Variants in FHIT observed in about 807,000 individuals in gnomAD.
The protein encoded by FHIT is bis(5'-adenosyl)-triphosphatase.
A neutral mutation model predicts 17.9 loss-of-function variants in FHIT; 19 were observed. That is an observed-to-expected ratio of 1.06 (90% CI 0.74 to 1.56). The LOEUF (loss-of-function observed/expected upper bound fraction) is 1.56. Ranked by LOEUF, FHIT falls within the 40% of genes most tolerant of loss-of-function variation. FHIT has a pLI of 0.00. For synonymous variants in FHIT, 81 were observed against 69.7 expected (o/e 1.16, Z -0.81); for missense variants, 248 against 189.2 (o/e 1.31, Z -1.82).
intron 5 of FHIT, among the ~76,000 whole-genome samples, chr3:60,481,406 TG>T (rs1266815379): frequency 6.6e-6 from 1 of 151,966 alleles, no homozygotes; most frequent in Non-Finnish European, 1.5e-5. Context: ...AAGGAAAGAA[TG>T]TTAAGGGCAG....
intron 5 of FHIT, among the ~76,000 whole-genome samples, chr3:60,330,350 G>A (rs1171938587): frequency 3.3e-5 from 5 of 152,146 alleles, no homozygotes; most frequent in African/African-American, 4.8e-5. Flanking sequence ...CTACAGTCAA[G>A]CACTTGTCAT....
intron 4 of FHIT, among the ~76,000 whole-genome samples, chr3:60,585,787 A>G (rs2037886886): frequency 6.6e-6 from 1 of 151,892 alleles, no homozygotes; most frequent in Non-Finnish European, 1.5e-5. Flanking sequence ...ATGAAAATAT[A>G]TTTCCCAAAG....
intron 5 of FHIT, among the ~76,000 whole-genome samples, chr3:60,311,726 GCTATCATTTGTATGGGCTCCTTC>G (rs1292519343): frequency 6.6e-6 from 1 of 152,162 alleles, no homozygotes; most frequent in Non-Finnish European, 1.5e-5. Context: ...TGGTTTGTGA[GCTATCATTTGTATGGGCTCCTTC>G]AGGCCCTCTC....
chr3:59,983,687 T>C (rs1708756773), intron 7 of FHIT, among the ~76,000 whole-genome samples: 1 of 152,126 alleles, frequency 6.6e-6, no homozygotes, highest in Non-Finnish European at 1.5e-5. Flanking sequence ...GTTGGCTTCA[T>C]TCTCTCAGAA....
intron 4 of FHIT, among the ~76,000 whole-genome samples, chr3:60,655,026 C>A (rs1553689208): frequency 6.6e-6 from 1 of 152,028 alleles, no homozygotes; most frequent in Non-Finnish European, 1.5e-5. Flanking sequence ...TTAGAAGTGG[C>A]AAGCCCAATA....
At chr3:60,736,379 G>GA (rs140559295) in intron 4 of FHIT, among the ~76,000 whole-genome samples, 19,173 of 151,582 alleles carry the variant, frequency 0.13, 1,469 homozygotes, top group Non-Finnish European at 0.18. Flanking sequence ...CAAAATGTGG[G>GA]AAAAAAAACC....
At chr3:60,881,589 G>A (rs1553757972) in intron 3 of FHIT, among the ~76,000 whole-genome samples, 1 of 152,080 alleles carries the variant, frequency 6.6e-6, no homozygotes, top group African/African-American at 2.4e-5. Context: ...TATCTTTTCT[G>A]AACACAATGG....
At chr3:60,736,869 A>G (rs2042144106) in intron 4 of FHIT, among the ~76,000 whole-genome samples, 1 of 152,240 alleles carries the variant, frequency 6.6e-6, no homozygotes, top group Admixed American at 6.5e-5. Context: ...GACCATTATA[A>G]GAAATCCATG....
At chr3:60,443,245 C>G (rs1351051199) in intron 5 of FHIT, among the ~76,000 whole-genome samples, 1 of 152,112 alleles carries the variant, frequency 6.6e-6, no homozygotes, top group African/African-American at 2.4e-5. Context: ...TTCCTCTTTT[C>G]CTAACTGAAT....
At chr3:59,799,311 G>A (rs1040064278) in intron 8 of FHIT, among the ~76,000 whole-genome samples, 1 of 152,146 alleles carries the variant, frequency 6.6e-6, no homozygotes, top group African/African-American at 2.4e-5. Context: ...AGCAAGATGT[G>A]GTGCCTGAGA....
chr3:61,054,178 C>T (rs1490673996), intron 2 of FHIT, among the ~76,000 whole-genome samples: 1 of 152,162 alleles, frequency 6.6e-6, no homozygotes, highest in Non-Finnish European at 1.5e-5. Context: ...ACAGGAAAAA[C>T]ACTTCTTACA....
intron 2 of FHIT, among the ~76,000 whole-genome samples, chr3:61,047,924 G>T (rs1216039057): frequency 6.8e-6 from 1 of 146,530 alleles, no homozygotes; most frequent in Non-Finnish European, 1.5e-5. Context: ...CTAGCCATAT[G>T]TAGAAAGCTG....
intron 5 of FHIT, among the ~76,000 whole-genome samples, chr3:60,252,481 T>C (rs1181946585): frequency 2.6e-5 from 4 of 152,032 alleles, no homozygotes; most frequent in Non-Finnish European, 2.9e-5. Flanking sequence ...GAGGATCACT[T>C]GAGCATAGGG....
chr3:59,998,608 GACACTTGGTGAAGAAAGTA>G (rs1699609009), intron 7 of FHIT, among the ~76,000 whole-genome samples: 3 of 152,058 alleles, frequency 2.0e-5, no homozygotes, highest in Non-Finnish European at 4.4e-5. Context: ...GGGGGAAACT[GACACTTGGTGAAGAAAGTA>G]ACAAGTGGTT....
At chr3:60,663,961 A>G (rs1172603347) in intron 4 of FHIT, among the ~76,000 whole-genome samples, 1 of 152,114 alleles carries the variant, frequency 6.6e-6, no homozygotes, top group Non-Finnish European at 1.5e-5. Flanking sequence ...GATTTATTTC[A>G]TTTATTTCCA....
intron 2 of FHIT, among the ~76,000 whole-genome samples, chr3:61,200,197 T>C (rs1315389497): frequency 6.6e-6 from 1 of 152,216 alleles, no homozygotes; most frequent in South Asian, 2.1e-4. Context: ...CACAACTGAC[T>C]TTCACAATAA....
intron 1 of FHIT, among the ~76,000 whole-genome samples, chr3:61,209,673 A>C (rs2039389154): frequency 6.6e-6 from 1 of 152,126 alleles, no homozygotes; most frequent in Admixed American, 6.5e-5. Flanking sequence ...CAAGTCCTTT[A>C]AGGACTTCTG....
At chr3:60,781,659 A>G (rs1553725724) in intron 4 of FHIT, among the ~76,000 whole-genome samples, 1 of 152,114 alleles carries the variant, frequency 6.6e-6, no homozygotes, top group Non-Finnish European at 1.5e-5. Flanking sequence ...CTACTTTGCT[A>G]AGTCTATTGT....
At chr3:60,243,968 G>A (rs372137854) in intron 5 of FHIT, among the ~76,000 whole-genome samples, 5 of 151,904 alleles carry the variant, frequency 3.3e-5, no homozygotes, top group East Asian at 3.9e-4. Context: ...ATGTACACTC[G>A]GTTAAATGGT....
Sources: gnomAD v4.1 joint callset for allele counts (sites outside exome capture counted in the v4.1 genomes callset) on GRCh38, gnomAD v4.1.1 for gene constraint, MANE v1.5 for transcripts, NCBI Gene and HGNC (gene_info 2026-07-23, HGNC 2026-07-21) for gene names.